Variants in GTF2IRD2B observed in about 807,000 individuals in gnomAD.
The protein encoded by GTF2IRD2B is general transcription factor II-I repeat domain-containing protein 2B.
GTF2IRD2B carries 10 observed loss-of-function variants against 55.6 expected under a neutral mutation model. That is an observed-to-expected ratio of 0.18 (90% CI 0.11 to 0.31). GTF2IRD2B has a LOEUF of 0.31. GTF2IRD2B is among the 10% of genes least tolerant of loss of function. The pLI, the probability that GTF2IRD2B is intolerant of heterozygous loss-of-function variation, is 1.00. For synonymous variants in GTF2IRD2B, 107 were observed against 320.5 expected (o/e 0.33, Z 7.12); for missense variants, 206 against 802.7 (o/e 0.26, Z 8.98).
At chr7:75,102,421 T>C (rs1554449634) in intron 1 of GTF2IRD2B, among the ~76,000 whole-genome samples, 1 of 151,532 alleles carries the variant, frequency 6.6e-6, no homozygotes, top group African/African-American at 2.4e-5. Flanking sequence ...AGAAATTTAA[T>C]ATGAATGGAA....
chr7:75,092,567 G>C (rs1222509686), upstream of GTF2IRD2B: 1 of 151,368 alleles, frequency 6.6e-6, no homozygotes, highest in Non-Finnish European at 1.5e-5. Flanking sequence ...AACAAAAAAA[G>C]GGGGGAAAAG....
At chr7:75,103,681 G>A (rs1379566002) in intron 1 of GTF2IRD2B, among the ~76,000 whole-genome samples, 2 of 151,358 alleles carry the variant, frequency 1.3e-5, no homozygotes, top group Non-Finnish European at 3.0e-5. Context: ...GTGGGTCGCC[G>A]TCCCCAGGGT....
At chr7:75,115,909 C>CTTTTTTT (rs1808132637) in intron 3 of GTF2IRD2B, among the ~76,000 whole-genome samples, 1 of 128,482 alleles carries the variant, frequency 7.8e-6, no homozygotes. Flanking sequence ...TCTTTAATTT[C>CTTTTTTT]TTTTCTTTCT....
intron 3 of GTF2IRD2B, among the ~76,000 whole-genome samples, chr7:75,115,385 C>G (rs1304686365): frequency 9.3e-5 from 14 of 150,390 alleles, no homozygotes; most frequent in African/African-American, 3.2e-4. Flanking sequence ...AAGATTATTT[C>G]TGTTATTCAG....
chr7:75,112,733 G>A, intron 3 of GTF2IRD2B, 198 bp downstream of exon 3: 7 of 781,054 alleles, frequency 9.0e-6, no homozygotes, highest in Non-Finnish European at 1.1e-5. Context: ...TTTTATACTA[G>A]GTCCTCAGCG....
intron 1 of GTF2IRD2B, among the ~76,000 whole-genome samples, chr7:75,105,144 T>G (rs1484707588): frequency 6.6e-6 from 1 of 152,286 alleles, no homozygotes; most frequent in African/African-American, 2.4e-5. Flanking sequence ...TACACTGAAC[T>G]GTGGTAACAC....
At chr7:75,112,672 C>G (rs1554450891) in intron 3 of GTF2IRD2B, 137 bp downstream of exon 3, 1 of 1,592,808 alleles carries the variant, frequency 6.3e-7, no homozygotes, top group African/African-American at 1.4e-5. Flanking sequence ...ATTCAGCTTA[C>G]CAAATAAATA....
intron 1 of GTF2IRD2B, among the ~76,000 whole-genome samples, chr7:75,103,163 C>G (rs1472392755): frequency 6.6e-6 from 1 of 151,986 alleles, no homozygotes. Flanking sequence ...CCTATAATCC[C>G]GGCTACTCGG....
intron 3 of GTF2IRD2B, among the ~76,000 whole-genome samples, chr7:75,117,372 G>A (rs1472289803): frequency 6.6e-6 from 1 of 152,278 alleles, no homozygotes; most frequent in Non-Finnish European, 1.5e-5. Flanking sequence ...GCAGGAGCCT[G>A]TAATCCCAGC....
At chr7:75,137,245 T>C (rs1199382785) in intron 11 of GTF2IRD2B, among the ~76,000 whole-genome samples, 1 of 150,838 alleles carries the variant, frequency 6.6e-6, no homozygotes, top group Non-Finnish European at 1.5e-5. Context: ...TTGAAATCTC[T>C]AATGTAGTAT....
At chr7:75,115,034 G>C (rs1191607952) in intron 3 of GTF2IRD2B, among the ~76,000 whole-genome samples, 3 of 138,158 alleles carry the variant, frequency 2.2e-5, no homozygotes, top group Non-Finnish European at 4.7e-5. Context: ...CTGACCTCAG[G>C]TGATCCGCCT....
chr7:75,139,222 TCTC>T, intron 12 of GTF2IRD2B, among the ~76,000 whole-genome samples, 195 bp downstream of exon 12: 1 of 12,838 alleles, frequency 7.8e-5, no homozygotes, highest in East Asian at 1.3e-3. Context: ...ATATTTTGCT[TCTC>T]CTGGACAAGC....
chr7:75,121,457 G>A lies in GTF2IRD2B; in HGVS notation c.358+447G>A, dbSNP rs1379468379. On this transcript the variant is annotated intron_variant, in intron 4 of 15. Coordinates refer to ENST00000472837, the MANE Select transcript of GTF2IRD2B (RefSeq NM_001003795.3). ...CATATGCTTATCAAGCGAGGAGCTAGTTCTTTTTTTTTTTTTTTCTGAGAG... is the reference window on the plus strand; with the variant it reads ...CATATGCTTATCAAGCGAGGAGCTAATTCTTTTTTTTTTTTTTTCTGAGAG... 2.0e-5 allele frequency among the ~76,000 whole-genome samples: 3 copies of A among 151,174 alleles called. No individual in the cohort carries two copies. In the South Asian group the frequency reaches 6.3e-4, roughly 32 times the overall value.
rs183574427 is a variant in GTF2IRD2B at position 75,127,216 on chromosome 7, C to A, written c.670+831C>A. 1.5e-4 allele frequency among the ~76,000 whole-genome samples: 22 copies of A among 151,446 alleles called. No individual in the cohort carries two copies. The East Asian group carries it at 4.2e-3, about 29-fold the overall frequency. ...AGCCTTGGCAGGGTGTGGGGGCTCACGACTGTAACTCCAACACCTTGGGAG... is the reference window on the plus strand; with the variant it reads ...AGCCTTGGCAGGGTGTGGGGGCTCAAGACTGTAACTCCAACACCTTGGGAG... On this transcript the variant is annotated intron_variant, in intron 8 of 15. Transcript: ENST00000472837.
intron 15 of GTF2IRD2B, among the ~76,000 whole-genome samples, chr7:75,147,419 C>T (rs1809180079): frequency 6.6e-6 from 1 of 151,940 alleles, no homozygotes; most frequent in African/African-American, 2.4e-5. Flanking sequence ...GGCGACAGAG[C>T]AAAACTCCGT....
intron 3 of GTF2IRD2B, among the ~76,000 whole-genome samples, chr7:75,113,982 T>C (rs1439130339): frequency 2.0e-5 from 3 of 148,688 alleles, no homozygotes; most frequent in African/African-American, 7.5e-5. Context: ...AGATGATAGA[T>C]AAGAGAGAGG....
At position 75,148,241 on chromosome 7, in the gene GTF2IRD2B, T is replaced by C; in HGVS notation, c.1794T>C (p.Arg598=). 6.2e-7 allele frequency: 1 copy of C among 1,613,666 alleles called. No individual in the cohort carries two copies. The highest frequency in any genetic ancestry group is 8.5e-7 in the Non-Finnish European group (1 of 1,179,822). Residue 598 remains arginine (R), a synonymous_variant, in exon 16 of 16, where the codon CGT becomes CGC. Coordinates refer to ENST00000472837, the MANE Select transcript of GTF2IRD2B (RefSeq NM_001003795.3). ...AATCTGGCAACGAGATCTTTTTGCG[T>C]GTTGAGAAGAGCCTGAAAAAGTTCT... ...GTKSGNEIFL[R]VEKSLKKFCI...
At chr7:75,121,964 T>C (rs140776762) in intron 4 of GTF2IRD2B, among the ~76,000 whole-genome samples, 1,696 of 134,466 alleles carry the variant, frequency 0.013, 20 homozygotes, top group East Asian at 0.018. Context: ...GGGGTTTCAT[T>C]GTGTTAGCCA....
chr7:75,149,429 G>A lies in GTF2IRD2B; in HGVS notation c.*132G>A, dbSNP rs1266560035. ...GGAGTCTTGCTCTGTCGCCCAGGTT[G>A]GAGTGCAGTGGCGTGATCTCGGCTT... On this transcript the variant is annotated 3_prime_UTR_variant, in exon 16 of 16. Transcript: ENST00000472837. 6.4e-5 allele frequency: 43 copies of A among 674,502 alleles called. No individual in the cohort carries two copies. The highest frequency in any genetic ancestry group is 1.0e-4 in the Non-Finnish European group (38 of 370,176). The allele number at this position is 674,502 out of a possible 1,614,324, so 41.8% of individuals were successfully genotyped here. A position where few individuals can be genotyped will look rare whatever the true frequency, so the allele number is the denominator to read the frequency against.
Sources: gnomAD v4.1 joint callset for allele counts (sites outside exome capture counted in the v4.1 genomes callset) on GRCh38, gnomAD v4.1.1 for gene constraint, MANE v1.5 for transcripts, NCBI Gene and HGNC (gene_info 2026-07-23, HGNC 2026-07-21) for gene names.